ERBB4: variants seen among roughly 807,000 people sequenced by gnomAD.
ERBB4 encodes erb-b2 receptor tyrosine kinase 4, also known as receptor tyrosine-protein kinase erbB-4.
Under a neutral mutation model 158.0 loss-of-function variants are expected in ERBB4, and 42 were observed. That is an observed-to-expected ratio of 0.27 (90% CI 0.21 to 0.34). The LOEUF is 0.34. ERBB4 is among the 10% of genes least tolerant of loss of function. ERBB4 has a pLI of 1.00. For synonymous variants in ERBB4, 583 were observed against 558.7 expected, an observed-to-expected ratio of 1.04 and a Z score of -0.61; for missense variants, 1,333 against 1,624.1, an observed-to-expected ratio of 0.82 and a Z score of 3.08.
chr2:212,055,953 G>T (rs2077551947), intron 2 of ERBB4, among the ~76,000 whole-genome samples: 1 of 152,204 alleles, frequency 6.6e-6, no homozygotes, highest in East Asian at 1.9e-4. Context: ...GTTGACAGAA[G>T]AAGGCTTCAG....
chr2:212,302,885 A>G (rs1457744276), intron 1 of ERBB4, among the ~76,000 whole-genome samples: 1 of 151,494 alleles, frequency 6.6e-6, no homozygotes, highest in Admixed American at 6.6e-5. Context: ...AGACATAAAA[A>G]ATTGTTTATC....
intron 9 of ERBB4, among the ~76,000 whole-genome samples, chr2:211,710,718 G>C (rs1268982116): frequency 6.6e-6 from 1 of 151,986 alleles, no homozygotes. Context: ...TCTCATGATA[G>C]TGAATAATTC....
intron 3 of ERBB4, among the ~76,000 whole-genome samples, chr2:211,839,463 A>G (rs1364790795): frequency 2.0e-5 from 3 of 152,100 alleles, no homozygotes; most frequent in Admixed American, 1.3e-4. Context: ...GATTAAAAGT[A>G]TATTCTGACT....
At chr2:212,061,292 A>AAAATAC (rs2077755943) in intron 2 of ERBB4, among the ~76,000 whole-genome samples, 1 of 151,746 alleles carries the variant, frequency 6.6e-6, no homozygotes, top group Non-Finnish European at 1.5e-5. Flanking sequence ...ATCTCTACTA[A>AAAATAC]AAATACAAAA....
rs1357603918 is a variant in ERBB4, at chr2:211,628,439, G to A, written c.2079+2023C>T. Among the ~76,000 whole-genome samples, 10 of 152,066 alleles carry A rather than the reference G, an allele frequency of 6.6e-5. No homozygotes were observed. The East Asian group carries it at 7.7e-4, about 12-fold the overall frequency. On this transcript the variant is annotated intron_variant, in intron 17 of 27. Coordinates refer to ENST00000342788, the MANE Select transcript of ERBB4 (RefSeq NM_005235.3). Reference sequence around the variant, plus strand: ...CGGTGTTTGGTTTTATTGTCCTTGCGATAGTTTGCTGAGAATGATGGTTTC... The same window carrying A: ...CGGTGTTTGGTTTTATTGTCCTTGCAATAGTTTGCTGAGAATGATGGTTTC...
At chr2:212,288,049 C>G (rs1574606132) in intron 1 of ERBB4, among the ~76,000 whole-genome samples, 1 of 151,894 alleles carries the variant, frequency 6.6e-6, no homozygotes, top group Admixed American at 6.6e-5. Flanking sequence ...TACCCCAGAA[C>G]TTAAAATAAA....
At chr2:211,465,488 G>A (rs1032983469) in intron 20 of ERBB4, among the ~76,000 whole-genome samples, 1 of 152,052 alleles carries the variant, frequency 6.6e-6, no homozygotes, top group Non-Finnish European at 1.5e-5. Context: ...TCTGAACATT[G>A]TATGAAAGAG....
At chr2:211,539,827 A>G (rs2066751208) in intron 20 of ERBB4, among the ~76,000 whole-genome samples, 1 of 152,010 alleles carries the variant, frequency 6.6e-6, no homozygotes, top group Admixed American at 6.6e-5. Flanking sequence ...TCCTCAAGCA[A>G]TGGAACCATT....
At chr2:211,653,104 GA>G (rs1378361743) in intron 16 of ERBB4, among the ~76,000 whole-genome samples, 14 of 152,056 alleles carry the variant, frequency 9.2e-5, no homozygotes, top group Non-Finnish European at 1.8e-4. Context: ...AGAAAAGAAT[GA>G]AAAAGTCTTG....
intron 19 of ERBB4, among the ~76,000 whole-genome samples, chr2:211,588,936 T>C (rs4530297): frequency 0.17 from 25,534 of 152,148 alleles, 2,641 homozygotes; most frequent in East Asian, 0.31. Flanking sequence ...AAAAAGGTAA[T>C]ACCTGCCACT....
intron 2 of ERBB4, among the ~76,000 whole-genome samples, chr2:211,970,105 T>C (rs962273427): frequency 6.6e-6 from 1 of 152,182 alleles, no homozygotes; most frequent in Non-Finnish European, 1.5e-5. Flanking sequence ...TTTGTTCTCA[T>C]TAGTTTCAAA....
Position 211,905,763 on chromosome 2 carries a change from T to TATAC in ERBB4, c.421+41666_421+41667insGTAT, listed in dbSNP as rs566719974. On this transcript the variant is annotated intron_variant, in intron 3 of 27. Transcript: ENST00000342788. The stretch of plus-strand genomic sequence containing the variant: ...GTGTGTGTATATATATATATATATA[T>TATAC]ACTATTATGTATACAACACATAGGA... Among the ~76,000 whole-genome samples, 267 of 141,512 alleles carry TATAC rather than the reference T, an allele frequency of 1.9e-3. 2 individuals carry two copies. The highest frequency in any genetic ancestry group is 6.6e-3 in the African/African-American group (251 of 37,850). 92.8% of individuals were successfully genotyped at this position (141,512 alleles called of 152,430 possible).
At chr2:212,034,526 T>C (rs1316291427) in intron 2 of ERBB4, among the ~76,000 whole-genome samples, 1 of 151,872 alleles carries the variant, frequency 6.6e-6, no homozygotes, top group Non-Finnish European at 1.5e-5. Context: ...ATCCGTACAA[T>C]AATTTTACTC....
At chr2:211,973,870 G>A (rs919622099) in intron 2 of ERBB4, among the ~76,000 whole-genome samples, 5 of 152,020 alleles carry the variant, frequency 3.3e-5, no homozygotes, top group African/African-American at 1.2e-4. Context: ...AAAAAATGTG[G>A]GACATGTACA....
intron 3 of ERBB4, among the ~76,000 whole-genome samples, chr2:211,893,486 G>A (rs1324628139): frequency 7.1e-6 from 1 of 140,622 alleles, no homozygotes; most frequent in Non-Finnish European, 1.5e-5. Flanking sequence ...TTACCATTCA[G>A]GACATAGGCA....
At chr2:212,479,324 C>CT (rs1480742302) in intron 1 of ERBB4, among the ~76,000 whole-genome samples, 1 of 152,076 alleles carries the variant, frequency 6.6e-6, no homozygotes, top group African/African-American at 2.4e-5. Flanking sequence ...TTCTCTTTCT[C>CT]TTTCTCATAG....
intron 1 of ERBB4, among the ~76,000 whole-genome samples, chr2:212,191,769 A>G (rs573099260): frequency 7.1e-6 from 1 of 139,948 alleles, no homozygotes; most frequent in South Asian, 2.3e-4. Flanking sequence ...TACATGTTAT[A>G]TATAACACGT....
At chr2:211,773,620 ATAT>A (rs1468346428) in intron 4 of ERBB4, among the ~76,000 whole-genome samples, 3 of 60,586 alleles carry the variant, frequency 5.0e-5, no homozygotes, top group Non-Finnish European at 1.0e-4. Flanking sequence ...ATATATATAT[ATAT>A]ATATATATAT....
chr2:212,499,853 G>A (rs1385897420), intron 1 of ERBB4, among the ~76,000 whole-genome samples: 1 of 152,006 alleles, frequency 6.6e-6, no homozygotes, highest in East Asian at 1.9e-4. Context: ...TGTAGAAAAG[G>A]AGCTCAAGTA....
Sources: gnomAD v4.1 joint callset for allele counts (sites outside exome capture counted in the v4.1 genomes callset) on GRCh38, gnomAD v4.1.1 for gene constraint, MANE v1.5 for transcripts, NCBI Gene and HGNC (gene_info 2026-07-23, HGNC 2026-07-21) for gene names.